Variants in ERICH1 observed in about 807,000 individuals in gnomAD.
ERICH1 encodes glutamate rich 1.
A neutral mutation model predicts 39.6 loss-of-function variants in ERICH1; 56 were observed. The ratio of observed to expected loss-of-function variants is 1.41; its 90% CI spans 1.14 to 1.77. The LOEUF (loss-of-function observed/expected upper bound fraction) is 1.77, where lower values mean the gene tolerates loss of function less well. ERICH1 is among the 40% of genes most tolerant of loss of function. The pLI, the probability that ERICH1 is intolerant of heterozygous loss-of-function variation, is 0.00. For missense variants in ERICH1, 826 were observed against 575.4 expected, an observed-to-expected ratio of 1.44 and a Z score of -4.45; for synonymous variants, 313 against 223.6, an observed-to-expected ratio of 1.40 and a Z score of -3.57.
At chr8:683,229 C>T (rs1013311601) in intron 3 of ERICH1, among the ~76,000 whole-genome samples, 4 of 152,176 alleles carry the variant, frequency 2.6e-5, no homozygotes, top group Non-Finnish European at 4.4e-5. Context: ...ATGGCAGTTG[C>T]TTGCCATGTA....
downstream of ERICH1, among the ~76,000 whole-genome samples, chr8:663,946 A>C (rs1801807470): frequency 6.6e-6 from 1 of 152,096 alleles, no homozygotes; most frequent in Non-Finnish European, 1.5e-5. Context: ...TTTTTAATAG[A>C]GATGGGGTTT....
chr8:681,307 A>G (rs1382269290), intron 3 of ERICH1, among the ~76,000 whole-genome samples: 6 of 152,206 alleles, frequency 3.9e-5, no homozygotes, highest in Non-Finnish European at 8.8e-5. Flanking sequence ...AGCACTGTAA[A>G]AAATAGCTTA....
intron 3 of ERICH1, among the ~76,000 whole-genome samples, chr8:692,111 TG>T (rs1019576831): frequency 6.6e-6 from 1 of 152,216 alleles, no homozygotes; most frequent in Non-Finnish European, 1.5e-5. Context: ...CTGAAAAACT[TG>T]GAAAATCAAG....
intron 2 of ERICH1, among the ~76,000 whole-genome samples, chr8:713,138 T>C (rs1414020241): frequency 6.6e-6 from 1 of 152,198 alleles, no homozygotes; most frequent in East Asian, 1.9e-4. Flanking sequence ...TCTCATCTTC[T>C]AATATGGACA....
chr8:721,461 C>G (rs1396079482), intron 1 of ERICH1, among the ~76,000 whole-genome samples: 1 of 152,226 alleles, frequency 6.6e-6, no homozygotes, highest in African/African-American at 2.4e-5. Context: ...TTGGGTTTAG[C>G]ATCTGAGCTG....
Position 664,391 on chromosome 8 carries a change from T to C in ERICH1, c.*212A>G, listed in dbSNP as rs553664466. ...GTTTTATGTAGTAATTCAAGATATA[T>C]ATAATTGCAAATAAGTGAAAAATTT... On this transcript the variant is annotated 3_prime_UTR_variant, in exon 6 of 6. Transcript: ENST00000262109. 1 of 1,222,000 alleles carries C rather than the reference T, an allele frequency of 8.2e-7. No homozygotes were observed. Among genetic ancestry groups the C allele is most frequent in the Admixed American group, 3.9e-5 (1 of 25,436 alleles). The allele number at this position is 1,222,000 out of a possible 1,614,324, so 75.7% of individuals were successfully genotyped here. A position where few individuals can be genotyped will look rare whatever the true frequency, so the allele number is the denominator to read the frequency against.
chr8:617,897 G>A (rs528154896), intron 3 of ERICH1, among the ~76,000 whole-genome samples: 160 of 146,474 alleles, frequency 1.1e-3, no homozygotes, highest in Non-Finnish European at 1.7e-3. Context: ...CTGAGTGCTC[G>A]GTACTTGGTC....
chr8:631,156 C>T (rs1798014836), intron 3 of ERICH1, among the ~76,000 whole-genome samples: 1 of 152,262 alleles, frequency 6.6e-6, no homozygotes, highest in South Asian at 2.1e-4. Context: ...CTCACAGCCT[C>T]CCCCGCTGGA....
chr8:689,143 G>A lies in ERICH1; in HGVS notation c.304+3335C>T, dbSNP rs570480898. Among the ~76,000 whole-genome samples the A allele has an allele frequency of 1.3e-4, 20 of 152,074 alleles. No individual in the cohort carries two copies. The South Asian group carries it at 3.5e-3, about 27-fold the overall frequency. ...TTTTCTTTTTTTGAGGCGAATTCTC[G>A]CTCTGTTGCCCAGGCTGGAGTGCAG... On this transcript the variant is annotated intron_variant, in intron 3 of 5. Transcript: ENST00000262109.
chr8:715,608 C>A (rs914437883), intron 2 of ERICH1, among the ~76,000 whole-genome samples: 1 of 152,382 alleles, frequency 6.6e-6, no homozygotes, highest in South Asian at 2.1e-4. Flanking sequence ...TCAGTCCAAT[C>A]GCCATCTTCA....
intron 2 of ERICH1, among the ~76,000 whole-genome samples, chr8:701,915 C>A (rs1045139758): frequency 3.9e-5 from 6 of 151,968 alleles, no homozygotes; most frequent in Middle Eastern, 3.4e-3. Flanking sequence ...CATGGTGAAA[C>A]CTCGTCTCTA....
intron 3 of ERICH1, chr8:626,877 C>A (rs757634259): frequency 2.4e-5 from 7 of 293,648 alleles, no homozygotes; most frequent in South Asian, 2.1e-4. Flanking sequence ...TAAGGAAATG[C>A]TGGCGGTTGG....
intron 1 of ERICH1, among the ~76,000 whole-genome samples, chr8:718,903 T>G (rs1816653983): frequency 6.6e-6 from 1 of 152,158 alleles, no homozygotes; most frequent in Non-Finnish European, 1.5e-5. Flanking sequence ...GTTGTGCGGT[T>G]TGTCATTGCA....
intron 2 of ERICH1, among the ~76,000 whole-genome samples, chr8:714,038 C>A (rs1815382571): frequency 1.1e-5 from 1 of 94,190 alleles, no homozygotes; most frequent in Non-Finnish European, 2.1e-5. Context: ...GTGCTGCACC[C>A]AGGCGGCCTC....
chr8:685,535 T>C (rs549906300), intron 3 of ERICH1, among the ~76,000 whole-genome samples: 1 of 152,194 alleles, frequency 6.6e-6, no homozygotes, highest in Admixed American at 6.5e-5. Flanking sequence ...ATTGGGGAAG[T>C]GATACATGTC....
At chr8:632,079 C>T (rs576140094) in intron 3 of ERICH1, among the ~76,000 whole-genome samples, 12 of 152,278 alleles carry the variant, frequency 7.9e-5, no homozygotes, top group South Asian at 2.1e-4. Flanking sequence ...CTCTACTCTC[C>T]GACTGGCAGG....
chr8:627,017 G>A (rs142948755), intron 3 of ERICH1: 1 of 430,746 alleles, frequency 2.3e-6, no homozygotes, highest in Non-Finnish European at 4.7e-6. Context: ...CTCTCGTCAT[G>A]GTGTCCGACA....
At position 636,787 on chromosome 8, in the gene ERICH1, G is replaced by C. The variant is rs554986213; in HGVS notation, c.977-21503C>G. ...TGAGGCCCCAGACGTGCTCCCCTGA[G>C]GGGCCAGGAGGGATGCTCTGGGCTC... On this transcript the variant is annotated intron_variant, in intron 3 of 3. Transcript: ENST00000522706. Among the ~76,000 whole-genome samples, 9 of 152,382 alleles carry C rather than the reference G, an allele frequency of 5.9e-5. No individual in the cohort carries two copies. The South Asian group carries it at 1.9e-3, about 32-fold the overall frequency.
At chr8:672,170 G>T (rs1803577451) in intron 4 of ERICH1, 1 of 152,420 alleles carries the variant, frequency 6.6e-6, no homozygotes. Flanking sequence ...CTGGCTTTCT[G>T]GTTACTCCTG....
Sources: gnomAD v4.1 joint callset for allele counts (sites outside exome capture counted in the v4.1 genomes callset) on GRCh38, gnomAD v4.1.1 for gene constraint, MANE v1.5 for transcripts, NCBI Gene and HGNC (gene_info 2026-07-23, HGNC 2026-07-21) for gene names.